Variants in PLCH1 observed in about 807,000 individuals in gnomAD.
PLCH1 encodes the protein phospholipase C eta 1.
Under a neutral mutation model 126.7 loss-of-function variants are expected in PLCH1, and 60 were observed. That is an observed-to-expected ratio of 0.47 (90% confidence interval 0.38 to 0.59). PLCH1 has a LOEUF of 0.59. Ranked by LOEUF, PLCH1 falls within the 20% of genes least tolerant of loss-of-function variation. The pLI is 0.00. For missense variants in PLCH1, 1,723 were observed against 2,040.0 expected (o/e 0.84, Z 2.99); for synonymous variants, 719 against 734.9 (o/e 0.98, Z 0.35).
chr3:155,470,845 G>T (rs1156439895), intron 21 of PLCH1, among the ~76,000 whole-genome samples: 1 of 151,960 alleles, frequency 6.6e-6, no homozygotes, highest in African/African-American at 2.4e-5. Context: ...AAGTGAAGGA[G>T]AAATAAAATA....
intron 11 of PLCH1, among the ~76,000 whole-genome samples, chr3:155,516,952 G>A (rs914470587): frequency 1.3e-5 from 2 of 152,042 alleles, no homozygotes; most frequent in African/African-American, 4.8e-5. Context: ...TTGGGGAATC[G>A]GGGGACAATT....
chr3:155,547,503 C>A (rs1725513533), intron 10 of PLCH1, among the ~76,000 whole-genome samples: 1 of 146,076 alleles, frequency 6.8e-6, no homozygotes. Flanking sequence ...GGATCTATAA[C>A]TAGAAATACC....
At chr3:155,547,270 C>G (rs1725460722) in intron 10 of PLCH1, among the ~76,000 whole-genome samples, 1 of 150,544 alleles carries the variant, frequency 6.6e-6, no homozygotes, top group East Asian at 1.9e-4. Flanking sequence ...ATTTATGCAG[C>G]CAAAAAACAC....
chr3:155,538,739 C>T (rs532305711), intron 10 of PLCH1, among the ~76,000 whole-genome samples: 9 of 151,702 alleles, frequency 5.9e-5, no homozygotes, highest in African/African-American at 7.2e-5. Flanking sequence ...ACAAGCAGTC[C>T]GACTGAAATG....
intron 1 of PLCH1, among the ~76,000 whole-genome samples, chr3:155,722,453 T>C (rs911097465): frequency 4.6e-5 from 7 of 152,178 alleles, no homozygotes; most frequent in African/African-American, 1.7e-4. Flanking sequence ...TGAGCCACTG[T>C]GCCTGGCCTA....
Position 155,497,427 on chromosome 3 carries a change from A to G in PLCH1, c.1797-10T>C, listed in dbSNP as rs1451695407. The G allele has an allele frequency of 1.9e-6, 3 of 1,578,604 alleles. No individual in the cohort carries two copies. The African/African-American group carries it at 4.0e-5, about 21-fold the overall frequency. On this transcript the variant is annotated splice_polypyrimidine_tract_variant and intron_variant, in intron 14 of 22. Transcript: ENST00000460012. ...CCTTCGGCGACCCAATCTGTGAAGT[A>G]CCCACAGAGGATGCATGACATTTTG...
At chr3:155,598,125 A>C (rs1449266377) in intron 2 of PLCH1, among the ~76,000 whole-genome samples, 1 of 152,138 alleles carries the variant, frequency 6.6e-6, no homozygotes, top group African/African-American at 2.4e-5. Context: ...AGGAGGTTGC[A>C]GTGAGGTGAG....
At chr3:155,684,936 T>A (rs77675598) in intron 2 of PLCH1, among the ~76,000 whole-genome samples, 6,294 of 152,270 alleles carry the variant, frequency 0.041, 393 homozygotes, top group African/African-American at 0.13. Flanking sequence ...TACTGATTTA[T>A]TAATTTTGCA....
At chr3:155,633,277 T>C (rs1331468362) in intron 2 of PLCH1, among the ~76,000 whole-genome samples, 1 of 151,838 alleles carries the variant, frequency 6.6e-6, no homozygotes, top group Non-Finnish European at 1.5e-5. Context: ...GAGGTCATAA[T>C]CTTATTTTGA....
Position 155,482,398 on chromosome 3 carries a change from G to A in PLCH1, c.3628C>T (p.His1210Tyr). Reference protein sequence around the residue: ...NQALTVVSHLHNTSVMSGHCP... With the variant: ...NQALTVVSHLYNTSVMSGHCP... ...TGGCCTGACATCACACTGGTATTAT[G>A]AAGATGAGAAACAACTGTGAGAGCC... The change falls in exon 23 of 23, where the codon CAT becomes TAT. Residue 1210 changes from histidine to tyrosine, a missense_variant. Physicochemically the swap from His to Tyr is moderately conservative, Grantham distance 83. Transcript: ENST00000460012. The A allele has an allele frequency of 6.2e-7, 1 of 1,614,110 alleles. No homozygotes were observed. Among genetic ancestry groups the A allele is most frequent in the Non-Finnish European group, 8.5e-7 (1 of 1,180,002 alleles).
chr3:155,600,971 T>C (rs1733647854), intron 2 of PLCH1, among the ~76,000 whole-genome samples: 1 of 152,188 alleles, frequency 6.6e-6, no homozygotes, highest in African/African-American at 2.4e-5. Flanking sequence ...CATAATAATG[T>C]GGTCTACAAG....
At chr3:155,490,083 T>C (rs1319570216) in intron 19 of PLCH1, among the ~76,000 whole-genome samples, 1 of 152,220 alleles carries the variant, frequency 6.6e-6, no homozygotes, top group Non-Finnish European at 1.5e-5. Flanking sequence ...GAAACTGTAG[T>C]GTTCCTTCAG....
intron 10 of PLCH1, among the ~76,000 whole-genome samples, chr3:155,527,108 C>A (rs1722053611): frequency 6.6e-6 from 1 of 152,164 alleles, no homozygotes; most frequent in African/African-American, 2.4e-5. Context: ...GACAGGTTCA[C>A]TTGATTGGTG....
At position 155,625,167 on chromosome 3, in the gene PLCH1, T is replaced by A. The variant is rs1359814278; in HGVS notation, c.80-28789A>T. ...AAAGGATTCCTTATTTAATAAGTGG[T>A]GTTGGGAAAATTGGCTAGCCATAAG... On this transcript the variant is annotated intron_variant, in intron 2 of 22. Coordinates refer to ENST00000460012, the MANE Select transcript of PLCH1 (RefSeq NM_014996.4). Among the ~76,000 whole-genome samples, 3 of 152,284 alleles carry A rather than the reference T, an allele frequency of 2.0e-5. No homozygotes were observed. In the East Asian group the frequency reaches 5.8e-4, roughly 29 times the overall value.
At chr3:155,509,259 G>T in intron 12 of PLCH1, among the ~76,000 whole-genome samples, 1 of 121,428 alleles carries the variant, frequency 8.2e-6, no homozygotes, top group African/African-American at 4.3e-5. Context: ...TTCTTTATTA[G>T]TCTTGCTAGC....
intron 4 of PLCH1, among the ~76,000 whole-genome samples, chr3:155,591,740 T>C (rs1161521482): frequency 6.6e-6 from 1 of 152,180 alleles, no homozygotes; most frequent in Admixed American, 6.5e-5. Context: ...AGGGTTTTTT[T>C]GTTAGTTTTT....
chr3:155,554,301 C>A, intron 8 of PLCH1, 105 bp from the exon 9 acceptor site: 1 of 1,048,482 alleles, frequency 9.5e-7, no homozygotes, highest in Non-Finnish European at 1.4e-6. Flanking sequence ...AAATTATACC[C>A]ATTTCAATCC....
intron 21 of PLCH1, among the ~76,000 whole-genome samples, chr3:155,468,070 A>G (rs1221432174): frequency 6.6e-6 from 1 of 152,238 alleles, no homozygotes; most frequent in Non-Finnish European, 1.5e-5. Context: ...CAGTACAATA[A>G]GATATAAATA....
intron 2 of PLCH1, among the ~76,000 whole-genome samples, chr3:155,597,386 C>T (rs537001420): frequency 2.6e-5 from 4 of 152,262 alleles, no homozygotes; most frequent in African/African-American, 9.6e-5. Context: ...ACAAATGATC[C>T]CATTTTCCCC....
Sources: gnomAD v4.1 joint callset for allele counts (sites outside exome capture counted in the v4.1 genomes callset) on GRCh38, gnomAD v4.1.1 for gene constraint, MANE v1.5 for transcripts, NCBI Gene and HGNC (gene_info 2026-07-23, HGNC 2026-07-21) for gene names.